The following CCDC91 variants were observed in gnomAD, a reference collection of about 807,000 sequenced individuals.
CCDC91 encodes coiled-coil domain-containing protein 91.
In CCDC91, 48 loss-of-function variants were observed where a neutral mutation model predicts 63.2. The observed-to-expected ratio is 0.76, with a 90% confidence interval of 0.60 to 0.97. The LOEUF (loss-of-function observed/expected upper bound fraction) is 0.97. Ranked by LOEUF, CCDC91 falls within the 50% of genes least tolerant of loss-of-function variation. The probability of loss-of-function intolerance (pLI) is 0.00; values close to 1 mark genes in which losing one functional copy is unlikely to be tolerated. For synonymous variants in CCDC91, 167 were observed against 165.8 expected, an observed-to-expected ratio of 1.01 and a Z score of -0.06; for missense variants, 500 against 494.6, an observed-to-expected ratio of 1.01 and a Z score of -0.10.
Position 28,252,179 on chromosome 12 carries a change from A to G in CCDC91, c.-14-5023A>G, listed in dbSNP as rs532252827. 2.6e-5 allele frequency among the ~76,000 whole-genome samples: 4 copies of G among 152,226 alleles called. No homozygotes were observed. The South Asian group carries it at 8.3e-4, about 32-fold the overall frequency. On this transcript the variant is annotated intron_variant, in intron 1 of 12. Transcript: ENST00000536442. The stretch of plus-strand genomic sequence containing the variant: ...GACCATTATGTTGTTGGTCCTTTGA[A>G]TGAAGCCTATTTTCTCTCTGGAAGC...
At chr12:28,328,948 G>A (rs2137608014) in intron 6 of CCDC91, among the ~76,000 whole-genome samples, 1 of 152,152 alleles carries the variant, frequency 6.6e-6, no homozygotes, top group Middle Eastern at 3.4e-3. Flanking sequence ...CAAATGATAA[G>A]CTTCAGACAA....
chr12:28,480,338 A>G (rs1052127224), intron 11 of CCDC91, among the ~76,000 whole-genome samples: 3 of 151,968 alleles, frequency 2.0e-5, no homozygotes, highest in Non-Finnish European at 4.4e-5. Flanking sequence ...AACTCAAACT[A>G]GTATTACCAC....
At position 28,458,455 on chromosome 12, in the gene CCDC91, C is replaced by CTTTTTTTTTTTTT. The variant is rs60083355; in HGVS notation, c.1101+5821_1101+5833dup. 7.2e-4 allele frequency among the ~76,000 whole-genome samples: 33 copies of CTTTTTTTTTTTTT among 45,800 alleles called. 10 individuals are homozygous for CTTTTTTTTTTTTT. Among genetic ancestry groups the CTTTTTTTTTTTTT allele is most frequent in the African/African-American group, 3.3e-3 (30 of 9,068 alleles). The allele number at this position is 45,800 out of a possible 152,430, so 30.0% of individuals were successfully genotyped here. A position where few individuals can be genotyped will look rare whatever the true frequency, so the allele number is the denominator to read the frequency against. ...TTCCCTTTTGTCCTCATTTGCACAC[C>CTTTTTTTTTTTTT]TTTTTTTTTTTTTTTTTTTTTTTTT... On this transcript the variant is annotated intron_variant, in intron 11 of 12. Coordinates refer to ENST00000536442, the MANE Select transcript of CCDC91 (RefSeq NM_018318.5).
rs534546045 is a variant in CCDC91, at chr12:28,210,539, A to G, written c.-15+19898A>G. Among the ~76,000 whole-genome samples, 6 of 152,296 alleles carry G rather than the reference A, an allele frequency of 3.9e-5. No homozygotes were observed. The East Asian group carries it at 1.2e-3, about 29-fold the overall frequency. ...GCTATAGGATGAAGTCTTTGGAAGA[A>G]CAGGGCCAGGAAAGGGTCTCTGGTG... On this transcript the variant is annotated intron_variant, in intron 1 of 12. Transcript: ENST00000536442.
At chr12:28,304,616 C>T in intron 3 of CCDC91, 10 of 1,230,616 alleles carry the variant, frequency 8.1e-6, no homozygotes, top group Non-Finnish European at 1.1e-5. Flanking sequence ...TTATAAATGT[C>T]TTTCTTCAGG....
chr12:28,434,298 T>G (rs4359252), intron 8 of CCDC91, among the ~76,000 whole-genome samples: 121,158 of 151,458 alleles, frequency 0.8, 49,136 homozygotes, highest in African/African-American at 0.89. Context: ...TATAGTTCGA[T>G]AATTTTTTTT....
At chr12:28,267,905 TATTATA>T (rs1565701125) in intron 3 of CCDC91, among the ~76,000 whole-genome samples, 5 of 55,732 alleles carry the variant, frequency 9.0e-5, no homozygotes, top group South Asian at 4.4e-4. Context: ...TATATAATTA[TATTATA>T]TATAATTATT....
At position 28,280,999 on chromosome 12, in the gene CCDC91, T is replaced by TAAAATAAAATAAAAAAAAAG. The variant is rs1565726337; in HGVS notation, c.109+21558_109+21559insAAATAAAATAAAAAAAAAGA. On this transcript the variant is annotated intron_variant, in intron 3 of 12. Coordinates refer to ENST00000536442, the MANE Select transcript of CCDC91 (RefSeq NM_018318.5). ...CTAAAAAAATAAATAAATAAAAAGA[T>TAAAATAAAATAAAAAAAAAG]ATCCTATGCAATATGGCTTTCTGTT... Among the ~76,000 whole-genome samples the TAAAATAAAATAAAAAAAAAG allele has an allele frequency of 2.2e-4, 34 of 152,210 alleles. No individual in the cohort carries two copies. The South Asian group carries it at 6.9e-3, about 31-fold the overall frequency.
intron 12 of CCDC91, among the ~76,000 whole-genome samples, chr12:28,498,494 C>G (rs961335865): frequency 2.0e-5 from 3 of 151,592 alleles, no homozygotes; most frequent in Admixed American, 6.6e-5. Flanking sequence ...GAAGCAGGGA[C>G]GTACATTCCA....
At chr12:28,432,187 A>G (rs547484142) in intron 8 of CCDC91, among the ~76,000 whole-genome samples, 6 of 152,140 alleles carry the variant, frequency 3.9e-5, no homozygotes, top group African/African-American at 1.4e-4. Flanking sequence ...AGTTCTTTTT[A>G]GCGCTGAATA....
chr12:28,536,835 T>G (rs1404526712), intron 12 of CCDC91, among the ~76,000 whole-genome samples: 1 of 152,200 alleles, frequency 6.6e-6, no homozygotes, highest in East Asian at 1.9e-4. Context: ...AATACCTTTT[T>G]GTTCCAGAAG....
At chr12:28,469,184 AAAC>A (rs1221724573) in intron 11 of CCDC91, among the ~76,000 whole-genome samples, 4 of 152,064 alleles carry the variant, frequency 2.6e-5, no homozygotes, top group African/African-American at 9.7e-5. Context: ...TATTTGGAAA[AAAC>A]CTAAAGATTC....
chr12:28,277,557 C>G (rs149911703), intron 3 of CCDC91, among the ~76,000 whole-genome samples: 186 of 152,090 alleles, frequency 1.2e-3, no homozygotes, highest in Middle Eastern at 3.4e-3. Flanking sequence ...GGATTTGGGA[C>G]TGTCAAATTT....
intron 1 of CCDC91, among the ~76,000 whole-genome samples, chr12:28,200,116 C>G (rs1371170262): frequency 6.6e-6 from 1 of 151,834 alleles, no homozygotes; most frequent in Non-Finnish European, 1.5e-5. Flanking sequence ...CTTTGATGCT[C>G]TGTTTATTTT....
At chr12:28,206,497 C>T (rs551644985) in intron 1 of CCDC91, among the ~76,000 whole-genome samples, 7 of 152,192 alleles carry the variant, frequency 4.6e-5, no homozygotes, top group South Asian at 2.1e-4. Flanking sequence ...ATTATGACTA[C>T]GGGAGGATAA....
intron 3 of CCDC91, among the ~76,000 whole-genome samples, chr12:28,300,707 G>A (rs908288046): frequency 7.9e-5 from 12 of 151,348 alleles, no homozygotes; most frequent in African/African-American, 2.9e-4. Flanking sequence ...AGAGAGGACT[G>A]GGATTTTTAT....
intron 12 of CCDC91, among the ~76,000 whole-genome samples, chr12:28,544,442 C>G (rs1381631486): frequency 6.6e-6 from 1 of 151,760 alleles, no homozygotes; most frequent in Non-Finnish European, 1.5e-5. Context: ...CATCCTAGCT[C>G]TTTGGAAAAA....
intron 8 of CCDC91, among the ~76,000 whole-genome samples, chr12:28,404,252 CT>C (rs1357503942): frequency 2.0e-5 from 3 of 151,742 alleles, no homozygotes; most frequent in Admixed American, 6.6e-5. Flanking sequence ...TGAGATTTTT[CT>C]TGTTGTTTAG....
intron 3 of CCDC91, among the ~76,000 whole-genome samples, chr12:28,260,709 A>G (rs973194163): frequency 1.3e-5 from 2 of 151,946 alleles, no homozygotes; most frequent in Non-Finnish European, 2.9e-5. Flanking sequence ...AATGTGGGGC[A>G]TAGTATCTGG....
Sources: allele counts gnomAD v4.1 joint callset (sites outside exome capture counted in the v4.1 genomes callset), GRCh38; gene constraint gnomAD v4.1.1; transcripts MANE v1.5; gene names NCBI Gene and HGNC (gene_info 2026-07-23, HGNC 2026-07-21).